The following KBTBD12 variants were observed in gnomAD, a reference collection of about 807,000 sequenced individuals.
The protein encoded by KBTBD12 is kelch repeat and BTB domain containing 12, also known as kelch repeat and BTB domain-containing protein 12.
A neutral mutation model predicts 58.7 loss-of-function variants in KBTBD12; 53 were observed. The ratio of observed to expected loss-of-function variants is 0.90; its 90% CI spans 0.72 to 1.14. The LOEUF (loss-of-function observed/expected upper bound fraction) is 1.14. Ranked by LOEUF, KBTBD12 falls within the 50% of genes most tolerant of loss-of-function variation. The pLI, the probability that KBTBD12 is intolerant of heterozygous loss-of-function variation, is 0.00. For missense variants in KBTBD12, 704 were observed against 751.3 expected, an observed-to-expected ratio of 0.94 and a Z score of 0.74; for synonymous variants, 236 against 259.8, an observed-to-expected ratio of 0.91 and a Z score of 0.88.
intron 4 of KBTBD12, among the ~76,000 whole-genome samples, chr3:127,954,978 C>T (rs2107605786): frequency 6.6e-6 from 1 of 152,364 alleles, no homozygotes; most frequent in East Asian, 1.9e-4. Context: ...TCACACTATA[C>T]TCAGACTGTC....
chr3:127,944,738 TTGTAATAA>T (rs1940033091), intron 4 of KBTBD12, among the ~76,000 whole-genome samples: 1 of 152,184 alleles, frequency 6.6e-6, no homozygotes, highest in African/African-American at 2.4e-5. Flanking sequence ...CATCCTTGCA[TTGTAATAA>T]ATCTTAAAGA....
chr3:127,923,992 A>G lies in KBTBD12; in HGVS notation c.931A>G (p.Ile311Val), dbSNP rs950840106. Residue 311 changes from isoleucine to valine, a missense_variant, in exon 2 of 6, where the codon ATC (isoleucine) becomes GTC (valine). Physicochemically the swap from Ile to Val is conservative, Grantham distance 29. Transcript: ENST00000405109. The part of the protein sequence containing the change: ...YDPVSRKTYF[I>V]SSPKYGEGLG... The stretch of plus-strand genomic sequence containing the variant: ...TCCTGTATCACGGAAAACCTATTTC[A>G]TCTCATCTCCCAAGTACGGAGAGGG... 2.5e-6 allele frequency: 4 copies of G among 1,613,740 alleles called. No homozygotes were observed. The highest frequency in any genetic ancestry group is 1.7e-6 in the Non-Finnish European group (2 of 1,179,790).
chr3:127,965,825 C>A (rs145232540), intron 5 of KBTBD12, among the ~76,000 whole-genome samples: 19 of 152,166 alleles, frequency 1.2e-4, no homozygotes, highest in African/African-American at 4.3e-4. Context: ...ATAGCAACAA[C>A]AATTTGGAAG....
intron 4 of KBTBD12, among the ~76,000 whole-genome samples, chr3:127,952,164 A>G (rs931065451): frequency 6.6e-5 from 10 of 152,238 alleles, no homozygotes; most frequent in African/African-American, 2.2e-4. Flanking sequence ...GATTTCATAT[A>G]TTGTCTCAAT....
Position 127,984,975 on chromosome 3 carries a change from C to A in KBTBD12, c.*697C>A, listed in dbSNP as rs114868600. The A allele has an allele frequency of 0.015, 2,320 of 152,676 alleles. 55 individuals carry two copies. Among genetic ancestry groups the A allele is most frequent in the African/African-American group, 0.051 (2,113 of 41,574 alleles). The allele number at this position is 152,676 out of a possible 1,614,324, so 9.5% of individuals were successfully genotyped here. A position where few individuals can be genotyped will look rare whatever the true frequency, so the allele number is the denominator to read the frequency against. ...CCCAGCAGCAGGGCTAGCTGTACTA[C>A]CAGCCCCTAACAACCAAGGCACTCA... On this transcript the variant is annotated 3_prime_UTR_variant, in exon 6 of 6. Coordinates refer to ENST00000405109, the MANE Select transcript of KBTBD12 (RefSeq NM_207335.4).
rs72983929 is a variant in KBTBD12 at position 127,970,612 on chromosome 3, A to T, written c.1690+7226A>T. Reference sequence around the variant, plus strand: ...GGAATATCATTTGGCAATAAAAAGGAATGAAATACTAACAGTTGCTACAAC... The same window carrying T: ...GGAATATCATTTGGCAATAAAAAGGTATGAAATACTAACAGTTGCTACAAC... On this transcript the variant is annotated intron_variant, in intron 5 of 5. Transcript: ENST00000405109. 5.6e-3 allele frequency among the ~76,000 whole-genome samples: 857 copies of T among 152,368 alleles called. 7 individuals are homozygous for T. Among genetic ancestry groups the T allele is most frequent in the African/African-American group, 0.019 (774 of 41,586 alleles).
intron 5 of KBTBD12, among the ~76,000 whole-genome samples, chr3:127,972,256 G>T (rs1342532432): frequency 2.6e-5 from 4 of 152,192 alleles, no homozygotes; most frequent in Non-Finnish European, 5.9e-5. Flanking sequence ...TTGAATTTGG[G>T]ATTCAAAGTT....
At chr3:127,918,362 A>AT (rs1397527654) in intron 1 of KBTBD12, among the ~76,000 whole-genome samples, 3 of 152,148 alleles carry the variant, frequency 2.0e-5, no homozygotes, top group African/African-American at 7.2e-5. Flanking sequence ...ACCAGGTTAT[A>AT]TTTTTTCAGG....
chr3:127,972,615 T>C (rs1182741080), intron 5 of KBTBD12, among the ~76,000 whole-genome samples: 1 of 152,222 alleles, frequency 6.6e-6, no homozygotes, highest in Non-Finnish European at 1.5e-5. Context: ...TAGAATGTAG[T>C]TGTGCTTCTT....
At chr3:127,940,436 A>G (rs1939925580) in intron 4 of KBTBD12, among the ~76,000 whole-genome samples, 2 of 152,198 alleles carry the variant, frequency 1.3e-5, no homozygotes. Flanking sequence ...ATAGTCTTCA[A>G]ATACTTGAAA....
At chr3:127,939,003 G>A (rs566345043) in intron 4 of KBTBD12, among the ~76,000 whole-genome samples, 32 of 152,298 alleles carry the variant, frequency 2.1e-4, no homozygotes, top group African/African-American at 7.2e-4. Context: ...CTAGAAACCC[G>A]GAAGTGGCCA....
At chr3:127,968,541 G>A (rs1196636384) in intron 5 of KBTBD12, among the ~76,000 whole-genome samples, 2 of 152,152 alleles carry the variant, frequency 1.3e-5, no homozygotes, top group East Asian at 1.9e-4. Context: ...CCAGCAACAT[G>A]CAAAAAGAAT....
At chr3:127,926,245 A>G (rs1473758305) in intron 2 of KBTBD12, among the ~76,000 whole-genome samples, 1 of 152,274 alleles carries the variant, frequency 6.6e-6, no homozygotes, top group African/African-American at 2.4e-5. Flanking sequence ...TCACCCAGCA[A>G]ACATCTACTT....
chr3:127,920,347 G>A (rs1939368537), intron 1 of KBTBD12, among the ~76,000 whole-genome samples: 1 of 149,476 alleles, frequency 6.7e-6, no homozygotes, highest in African/African-American at 2.5e-5. Flanking sequence ...ACATTATTAT[G>A]TTTGTGAGAT....
Position 127,984,114 on chromosome 3 carries a change from T to C in KBTBD12, c.1708T>C (p.Ser570Pro). The C allele has an allele frequency of 6.2e-7, 1 of 1,613,426 alleles. No homozygotes were observed. The highest frequency in any genetic ancestry group is 8.5e-7 in the Non-Finnish European group (1 of 1,179,712). ...TTTTTCAGATCGCCATGAGGTTATC[T>C]CCAAAGAAATATTGGAACTGGACCC... ...FHGADRHEVI[S>P]KEILELDPWE... Residue 570 changes from serine to proline, a missense_variant, in exon 6 of 6, where the codon TCC becomes CCC. By Grantham distance (74) the Ser-to-Pro change is moderately conservative (BLOSUM62 -1). Transcript: ENST00000405109.
chr3:127,953,184 T>C (rs1380595498), intron 4 of KBTBD12, among the ~76,000 whole-genome samples: 1 of 152,196 alleles, frequency 6.6e-6, no homozygotes, highest in African/African-American at 2.4e-5. Context: ...CATTATTGCT[T>C]ATAGTAAGTG....
In KBTBD12 at chr3:127,923,544, C is replaced by T. The variant is rs772084073; in HGVS notation, c.483C>T (p.Ala161=). Residue 161 remains alanine, a synonymous_variant, in exon 2 of 6, where the codon GCC becomes GCT. Transcript: ENST00000405109. ...AGAAATATTTATATCAGCACTTTGCCGAGGTGAGCTTACATGAAGAAATAC... is the reference window on the plus strand; with the variant it reads ...AGAAATATTTATATCAGCACTTTGCTGAGGTGAGCTTACATGAAGAAATAC... The part of the protein sequence containing the change: ...RSKKYLYQHF[A]EVSLHEEILE... 3.7e-6 allele frequency: 6 copies of T among 1,612,636 alleles called. No individual in the cohort carries two copies. Among genetic ancestry groups the T allele is most frequent in the African/African-American group, 2.7e-5 (2 of 74,882 alleles).
chr3:127,934,395 A>G (rs1258286628), intron 4 of KBTBD12, among the ~76,000 whole-genome samples: 1 of 152,152 alleles, frequency 6.6e-6, no homozygotes, highest in African/African-American at 2.4e-5. Context: ...AGATTATATA[A>G]TCTGAAGAAG....
chr3:127,955,898 G>T (rs956292202), intron 4 of KBTBD12, among the ~76,000 whole-genome samples: 16 of 152,156 alleles, frequency 1.1e-4, no homozygotes, highest in Non-Finnish European at 1.8e-4. Context: ...AAAGTTACTT[G>T]CTCAAAGTGT....
Sources: gnomAD v4.1 joint callset for allele counts (sites outside exome capture counted in the v4.1 genomes callset) on GRCh38, gnomAD v4.1.1 for gene constraint, MANE v1.5 for transcripts, NCBI Gene and HGNC (gene_info 2026-07-23, HGNC 2026-07-21) for gene names.